CELF2: variants seen among roughly 807,000 people sequenced by gnomAD.
The protein encoded by CELF2 is CUGBP Elav-like family member 2, also known as CUG triplet repeat RNA-binding protein 2.
CELF2 carries 8 observed loss-of-function variants against 62.6 expected under a neutral mutation model. The ratio of observed to expected loss-of-function variants is 0.13; its 90% CI spans 0.07 to 0.23. The LOEUF is 0.23. Among genes scored for constraint, CELF2 ranks in the 10% least tolerant of loss-of-function variants. The pLI, the probability that CELF2 is intolerant of heterozygous loss-of-function variation, is 1.00. For missense variants in CELF2, 333 were observed against 671.0 expected, an observed-to-expected ratio of 0.50 and a Z score of 5.56; for synonymous variants, 258 against 250.0, an observed-to-expected ratio of 1.03 and a Z score of -0.30.
intron 1 of CELF2, among the ~76,000 whole-genome samples, chr10:10,813,992 G>A (rs1385037582): frequency 1.3e-5 from 2 of 152,054 alleles, no homozygotes; most frequent in Admixed American, 1.3e-4. Context: ...AGAGAGCTGG[G>A]TTTGTTCAGA....
intron 1 of CELF2, among the ~76,000 whole-genome samples, chr10:11,136,247 G>A (rs2060419071): frequency 6.6e-6 from 1 of 152,192 alleles, no homozygotes; most frequent in Non-Finnish European, 1.5e-5. Context: ...AGATGATAGA[G>A]AATATAGCAT....
chr10:11,274,836 T>A, intron 7 of CELF2, among the ~76,000 whole-genome samples: 1 of 60,850 alleles, frequency 1.6e-5, no homozygotes. Flanking sequence ...TTAATTGTTT[T>A]AAGGCAGCAG....
At chr10:10,648,050 C>A in the CELF2 span, among the ~76,000 whole-genome samples, 1 of 152,168 alleles carries the variant, frequency 6.6e-6, no homozygotes, top group Non-Finnish European at 1.5e-5. Context: ...AATTTACTTA[C>A]CCTTCAAGAA....
chr10:11,303,292 A>T (rs927662347), intron 9 of CELF2, among the ~76,000 whole-genome samples: 1 of 151,492 alleles, frequency 6.6e-6, no homozygotes, highest in Non-Finnish European at 1.5e-5. Context: ...CTCAACTTTC[A>T]TGTCTGGTCA....
intron 8 of CELF2, 120 bp from the exon 9 acceptor site, chr10:11,288,298 C>A (rs2091835550): frequency 7.8e-7 from 1 of 1,276,022 alleles, no homozygotes; most frequent in Non-Finnish European, 1.1e-6. Context: ...AGGCAGGTGA[C>A]CTTGCACAGG....
In CELF2 at chr10:11,314,541, G is replaced by T. The variant is rs1040625625; in HGVS notation, c.1096+283G>T. 3.0e-5 allele frequency: 14 copies of T among 470,128 alleles called. No homozygotes were observed. Among genetic ancestry groups the T allele is most frequent in the African/African-American group, 2.8e-4 (14 of 50,502 alleles). 29.1% of individuals were successfully genotyped at this position (470,128 alleles called of 1,614,324 possible). ...CTGGCAGCTCTTTTCAGGTTTCCAGGAGTTTGGTTTGGTTTGGTTTCGGTC... is the reference window on the plus strand; with the variant it reads ...CTGGCAGCTCTTTTCAGGTTTCCAGTAGTTTGGTTTGGTTTGGTTTCGGTC... On this transcript the variant is annotated intron_variant, in intron 10 of 12. Transcript: ENST00000633077. This position sits in a 1 kb window ranked among gnomAD's most constrained non-coding sequence, Gnocchi z 5.3.
chr10:11,293,381 CT>C (rs2092767858), intron 9 of CELF2, among the ~76,000 whole-genome samples: 1 of 152,202 alleles, frequency 6.6e-6, no homozygotes, highest in South Asian at 2.1e-4. Context: ...TTTCAGTAAC[CT>C]ACTACTTATA....
chr10:10,867,683 G>A (rs2060473857), intron 1 of CELF2, among the ~76,000 whole-genome samples: 1 of 152,098 alleles, frequency 6.6e-6, no homozygotes, highest in Admixed American at 6.5e-5. Context: ...GTCTCATTCT[G>A]TCTTCCTTCC....
At chr10:10,517,049 A>T in the CELF2 span, among the ~76,000 whole-genome samples, 1 of 152,230 alleles carries the variant, frequency 6.6e-6, no homozygotes, top group Non-Finnish European at 1.5e-5. Flanking sequence ...GTGTGGAAAC[A>T]GCAGTGCATG....
intron 1 of CELF2, among the ~76,000 whole-genome samples, chr10:11,124,061 C>G (rs2058250855): frequency 6.6e-6 from 1 of 152,122 alleles, no homozygotes; most frequent in Non-Finnish European, 1.5e-5. Flanking sequence ...CAGGGGAATT[C>G]CCGTGTATAA....
At chr10:10,675,607 CT>C in the CELF2 span, among the ~76,000 whole-genome samples, 2 of 151,660 alleles carry the variant, frequency 1.3e-5, no homozygotes, top group African/African-American at 4.8e-5. Flanking sequence ...CATTTTATGT[CT>C]TTTTTTTAGT....
At chr10:10,832,264 T>A (rs2057923082) in intron 1 of CELF2, among the ~76,000 whole-genome samples, 1 of 85,052 alleles carries the variant, frequency 1.2e-5, no homozygotes. Context: ...CGAGACTCCA[T>A]CTAAAAAAAA....
chr10:10,608,333 G>T, the CELF2 span, among the ~76,000 whole-genome samples: 1 of 152,138 alleles, frequency 6.6e-6, no homozygotes, highest in Admixed American at 6.5e-5. Flanking sequence ...TTTACCTGAA[G>T]ACAACCAGAT....
intron 1 of CELF2, among the ~76,000 whole-genome samples, chr10:11,081,015 C>T (rs2073876285): frequency 6.6e-6 from 1 of 152,134 alleles, no homozygotes; most frequent in Non-Finnish European, 1.5e-5. Context: ...GGTTGAATTT[C>T]TCAGATGTTG....
rs2062641991 is a variant in CELF2 at position 11,214,056 on chromosome 10, G to A, written c.272-3369G>A. The stretch of plus-strand genomic sequence containing the variant: ...CTAAGGGCTTTGGGAGGCCGAGGTG[G>A]GAGGACCACTTGAGGCCAGGAGTCC... On this transcript the variant is annotated intron_variant, in intron 2 of 12. Transcript: ENST00000633077. The surrounding 1 kb of genome is among the most constrained non-coding windows in gnomAD (Gnocchi z 4.2). Among the ~76,000 whole-genome samples the A allele has an allele frequency of 6.6e-6, 1 of 152,134 alleles. No homozygotes were observed. The highest frequency in any genetic ancestry group is 1.5e-5 in the Non-Finnish European group (1 of 68,028).
chr10:10,475,135 A>G, the CELF2 span, among the ~76,000 whole-genome samples: 1 of 152,074 alleles, frequency 6.6e-6, no homozygotes, highest in Non-Finnish European at 1.5e-5. Context: ...CCCTACTTTT[A>G]TATTTCTAGA....
At chr10:11,276,747 C>G (rs1446961035) in intron 8 of CELF2, among the ~76,000 whole-genome samples, 1 of 152,200 alleles carries the variant, frequency 6.6e-6, no homozygotes, top group East Asian at 1.9e-4. Context: ...AGGCTGCTGC[C>G]GAGCGTGCTG....
At chr10:10,613,791 A>C in the CELF2 span, among the ~76,000 whole-genome samples, 1 of 152,204 alleles carries the variant, frequency 6.6e-6, no homozygotes, top group South Asian at 2.1e-4. Context: ...ATAATGTAAC[A>C]CAGGGGTATG....
At chr10:10,839,636 G>T (rs894025790) in intron 1 of CELF2, among the ~76,000 whole-genome samples, 1 of 152,176 alleles carries the variant, frequency 6.6e-6, no homozygotes, top group African/African-American at 2.4e-5. Flanking sequence ...CTTTGGTGAG[G>T]TTGCTTCAAA....
Sources: gnomAD v4.1 joint callset for allele counts (sites outside exome capture counted in the v4.1 genomes callset) on GRCh38, gnomAD v4.1.1 for gene constraint, Gnocchi (gnomAD v3.1) non-coding constraint, MANE v1.5 for transcripts, NCBI Gene and HGNC (gene_info 2026-07-23, HGNC 2026-07-21) for gene names.